TEX14: variants seen among roughly 807,000 people sequenced by gnomAD.
TEX14 encodes testis expressed 14, intercellular bridge forming factor, also known as inactive serine/threonine-protein kinase TEX14.
A neutral mutation model predicts 178.6 loss-of-function variants in TEX14; 168 were observed. The observed-to-expected ratio is 0.94, with a 90% confidence interval of 0.83 to 1.07. The LOEUF is 1.07. Ranked by LOEUF, TEX14 falls within the 50% of genes least tolerant of loss-of-function variation. TEX14 has a pLI of 0.00. For synonymous variants in TEX14, 626 were observed against 634.1 expected (o/e 0.99, Z 0.19); for missense variants, 1,730 against 1,753.6 (o/e 0.99, Z 0.24).
In TEX14 at chr17:58,585,842, C is replaced by T; in HGVS notation, c.3029G>A (p.Ser1010Asn). The T allele has an allele frequency of 6.2e-7, 1 of 1,614,074 alleles. No individual in the cohort carries two copies. Among genetic ancestry groups the T allele is most frequent in the Non-Finnish European group, 8.5e-7 (1 of 1,180,022 alleles). The change falls in exon 18 of 32, where the codon AGT becomes AAT. Residue 1010 changes from serine to asparagine, a missense_variant. By Grantham distance (46) the Ser-to-Asn change is conservative. Coordinates refer to ENST00000349033, the MANE Select transcript of TEX14 (RefSeq NM_031272.5). ...FDKTGNNDCD[S>N]DQHGRQPRLG... ...CCTGGGCTGTCTGCCATGCTGGTCA[C>T]TGTCACAGTCATTGTTGCCCGTCTT...
chr17:58,607,743 G>A (rs542307730), intron 10 of TEX14, among the ~76,000 whole-genome samples: 1 of 152,308 alleles, frequency 6.6e-6, no homozygotes, highest in South Asian at 2.1e-4. Flanking sequence ...ACCCTTTAGC[G>A]TCCACTGCTC....
intron 23 of TEX14, 76 bp from the exon 24 acceptor site, chr17:58,572,202 T>A: frequency 9.4e-7 from 1 of 1,058,886 alleles, no homozygotes; most frequent in Non-Finnish European, 1.4e-6. Context: ...CCCTTTGTTT[T>A]TGTTTTTTCT....
At chr17:58,603,619 C>T (rs769816420) in intron 11 of TEX14, among the ~76,000 whole-genome samples, 6 of 147,712 alleles carry the variant, frequency 4.1e-5, no homozygotes, top group Non-Finnish European at 7.4e-5. Context: ...CTTTAGGAGG[C>T]TGAGGTGGGC....
chr17:58,556,900 A>G lies in TEX14; in HGVS notation c.*111T>C. The G allele has an allele frequency of 1.1e-6, 1 of 875,918 alleles. No individual in the cohort carries two copies. The highest frequency in any genetic ancestry group is 1.8e-5 in the Admixed American group (1 of 54,246). The allele number at this position is 875,918 out of a possible 1,614,324, so 54.3% of individuals were successfully genotyped here. On this transcript the variant is annotated 3_prime_UTR_variant, in exon 32 of 32. Coordinates refer to ENST00000349033, the MANE Select transcript of TEX14 (RefSeq NM_031272.5). Reference sequence around the variant, plus strand: ...GTGGCAGCTGAACAAAGTGAGACTTACAGAACTGGAACTGCTGCCCTGACA... The same window carrying G: ...GTGGCAGCTGAACAAAGTGAGACTTGCAGAACTGGAACTGCTGCCCTGACA...
In TEX14 at chr17:58,644,638, CTTT is replaced by C. The variant is rs34373378; in HGVS notation, c.136+7225_136+7227del. Among the ~76,000 whole-genome samples the C allele has an allele frequency of 7.4e-3, 291 of 39,538 alleles. 1 individual carries two copies. The highest frequency in any genetic ancestry group is 0.025 in the Middle Eastern group (1 of 40). The allele number at this position is 39,538 out of a possible 152,430, so 25.9% of individuals were successfully genotyped here. ...TATAGGTGTAAGCCACCGCACCTGG[CTTT>C]TTTTTTTTTTTTTTTTTTTTTTTCT... On this transcript the variant is annotated intron_variant, in intron 2 of 31. Coordinates refer to ENST00000349033, the MANE Select transcript of TEX14 (RefSeq NM_031272.5).
intron 5 of TEX14, among the ~76,000 whole-genome samples, chr17:58,619,252 T>TG (rs150313495): frequency 0.011 from 1,715 of 152,306 alleles, 36 homozygotes; most frequent in African/African-American, 0.039. Context: ...AACAGTGACC[T>TG]GGACAACTGC....
chr17:58,661,236 G>C (rs372568409), intron 1 of TEX14: 2 of 794,334 alleles, frequency 2.5e-6, no homozygotes, highest in African/African-American at 3.4e-5. Flanking sequence ...TCGGCCACAC[G>C]ATAGTAATGG....
intron 13 of TEX14, among the ~76,000 whole-genome samples, chr17:58,600,680 C>T (rs773418050): frequency 3.3e-5 from 5 of 151,936 alleles, no homozygotes; most frequent in Non-Finnish European, 5.9e-5. Context: ...TACAGGTGTA[C>T]AGCTTACAGA....
At chr17:58,656,174 T>C (rs2046954560) in intron 1 of TEX14, among the ~76,000 whole-genome samples, 1 of 152,146 alleles carries the variant, frequency 6.6e-6, no homozygotes, top group Non-Finnish European at 1.5e-5. Context: ...CCGGGCACAG[T>C]GGCTTACGCC....
intron 2 of TEX14, among the ~76,000 whole-genome samples, chr17:58,649,544 A>T (rs2046794986): frequency 6.6e-6 from 1 of 152,144 alleles, no homozygotes; most frequent in Non-Finnish European, 1.5e-5. Flanking sequence ...TACACATGTT[A>T]ACCCCATCCC....
At chr17:58,666,587 G>A (rs7220884) in intron 1 of TEX14, 22,228 of 150,806 alleles carry the variant, frequency 0.15, 2,514 homozygotes, top group East Asian at 0.31. Flanking sequence ...ATACACTGTA[G>A]TTACCCACAT....
chr17:58,648,793 T>C (rs866489602), intron 2 of TEX14, among the ~76,000 whole-genome samples: 2,824 of 141,278 alleles, frequency 0.02, 88 homozygotes, highest in African/African-American at 0.07. Context: ...TTTCTTTTTT[T>C]TTTTTTTTTT....
rs1215853356 is a variant in TEX14, at chr17:58,611,306, T to A, written c.1039A>T (p.Ile347Phe). Reference protein sequence around the residue: ...SQFPVLHMEVIVHLLLQISDA... With the variant: ...SQFPVLHMEVFVHLLLQISDA... ...GATATCTGGAGCAGCAGGTGCACAA[T>A]CACCTCCATGTGCAGCACTGGGAAC... The change falls in exon 10 of 32, where the codon ATT becomes TTT. Residue 347 changes from isoleucine to phenylalanine, a missense_variant. Ile to Phe is a conservative substitution (Grantham distance 21). Coordinates refer to ENST00000349033, the MANE Select transcript of TEX14 (RefSeq NM_031272.5). 4 of 1,612,652 alleles carry A rather than the reference T, an allele frequency of 2.5e-6. No homozygotes were observed. The highest frequency in any genetic ancestry group is 3.4e-6 in the Non-Finnish European group (4 of 1,179,360).
intron 25 of TEX14, among the ~76,000 whole-genome samples, chr17:58,570,044 A>G (rs2044484214): frequency 6.6e-6 from 1 of 152,138 alleles, no homozygotes. Context: ...AACAATTTTT[A>G]ATAACAAGGG....
chr17:58,623,642 T>C (rs909800368), intron 3 of TEX14, among the ~76,000 whole-genome samples: 11 of 152,192 alleles, frequency 7.2e-5, no homozygotes, highest in African/African-American at 2.2e-4. Flanking sequence ...ATATGATGTA[T>C]AGCCTTAGTT....
intron 1 of TEX14, chr17:58,679,438 C>G (rs1034494192): frequency 1.3e-5 from 2 of 152,002 alleles, no homozygotes; most frequent in African/African-American, 4.8e-5. Flanking sequence ...ATCAATCTCT[C>G]GCTATTCCAA....
Position 58,565,793 on chromosome 17 carries a change from C to G in TEX14, c.3918G>C (p.Thr1306=). The G allele has an allele frequency of 6.2e-7, 1 of 1,609,532 alleles. No homozygotes were observed. Among genetic ancestry groups the G allele is most frequent in the Non-Finnish European group, 8.5e-7 (1 of 1,178,200 alleles). ...ELLKQQQGSS[T]VLHENTASDG... Reference sequence around the variant, plus strand: ...CACTTGCTGTGTTCTCATGCAACACCGTGGATGAGCCCTGCTGCTGTTTCA... The same window carrying G: ...CACTTGCTGTGTTCTCATGCAACACGGTGGATGAGCCCTGCTGCTGTTTCA... Residue 1306 remains threonine, a synonymous_variant, in exon 27 of 32, where the codon ACG becomes ACC. Coordinates refer to ENST00000349033, the MANE Select transcript of TEX14 (RefSeq NM_031272.5).
intron 8 of TEX14, 121 bp downstream of exon 8, chr17:58,615,111 C>G (rs568980799): frequency 1.6e-6 from 1 of 621,248 alleles, no homozygotes; most frequent in Non-Finnish European, 2.9e-6. Flanking sequence ...TTTCAACAGT[C>G]AGGAAATGCT....
intron 21 of TEX14, among the ~76,000 whole-genome samples, chr17:58,577,132 G>T (rs865863471): frequency 6.6e-6 from 1 of 152,138 alleles, no homozygotes; most frequent in Admixed American, 6.5e-5. Flanking sequence ...TAGAATAGAG[G>T]GGTTGAGAAC....
Sources: gnomAD v4.1 joint callset for allele counts (sites outside exome capture counted in the v4.1 genomes callset) on GRCh38, gnomAD v4.1.1 for gene constraint, MANE v1.5 for transcripts, NCBI Gene and HGNC (gene_info 2026-07-23, HGNC 2026-07-21) for gene names.